Variants in SHANK2 observed in about 807,000 individuals in gnomAD.
SHANK2 encodes SH3 and multiple ankyrin repeat domains 2.
SHANK2 carries 43 observed loss-of-function variants against 133.7 expected under a neutral mutation model. The observed-to-expected ratio is 0.32, with a 90% CI of 0.25 to 0.41. SHANK2 has a LOEUF of 0.41. Ranked by LOEUF, SHANK2 falls within the 10% of genes least tolerant of loss-of-function variation. The pLI is 1.00. For synonymous variants in SHANK2, 1,017 were observed against 952.8 expected (o/e 1.07, Z -1.24); for missense variants, 1,994 against 2,235.8 (o/e 0.89, Z 2.18).
At chr11:70,772,724 C>T (rs1947278274) in intron 14 of SHANK2, among the ~76,000 whole-genome samples, 1 of 152,142 alleles carries the variant, frequency 6.6e-6, no homozygotes, top group African/African-American at 2.4e-5. Flanking sequence ...TGGAGTAGCC[C>T]TCATCTTCCA....
intron 8 of SHANK2, among the ~76,000 whole-genome samples, chr11:71,080,436 C>T (rs1328631683): frequency 3.9e-5 from 6 of 152,234 alleles, no homozygotes; most frequent in Non-Finnish European, 7.3e-5. Flanking sequence ...GATACATCTA[C>T]AGGACCTAAA....
At chr11:71,091,050 G>C (rs1270880877) in intron 8 of SHANK2, among the ~76,000 whole-genome samples, 1 of 151,948 alleles carries the variant, frequency 6.6e-6, no homozygotes, top group East Asian at 1.9e-4. Context: ...CAAATATCTA[G>C]GAGCTAGAGC....
At chr11:71,082,121 C>G (rs1951308959) in intron 8 of SHANK2, among the ~76,000 whole-genome samples, 1 of 152,226 alleles carries the variant, frequency 6.6e-6, no homozygotes, top group African/African-American at 2.4e-5. Context: ...GGTCACCTGC[C>G]AGCACCACAG....
intron 1 of SHANK2, among the ~76,000 whole-genome samples, chr11:71,248,753 A>AG (rs1311542027): frequency 7.9e-5 from 12 of 152,172 alleles, no homozygotes; most frequent in African/African-American, 2.9e-4. Flanking sequence ...GTTCAGTCCC[A>AG]GGAGGATGCA....
intron 17 of SHANK2, among the ~76,000 whole-genome samples, chr11:70,571,516 C>T (rs1370191199): frequency 6.6e-6 from 1 of 152,088 alleles, no homozygotes; most frequent in East Asian, 1.9e-4. Flanking sequence ...TAGATGCTAC[C>T]CCCACCATGT....
chr11:70,948,435 C>T, intron 10 of SHANK2: 2 of 455,274 alleles, frequency 4.4e-6, no homozygotes, highest in Non-Finnish European at 8.9e-6. Flanking sequence ...GATTACTTTT[C>T]ATCATAGATA....
intron 8 of SHANK2, among the ~76,000 whole-genome samples, chr11:71,077,474 A>G (rs1333169534): frequency 6.6e-6 from 1 of 152,144 alleles, no homozygotes; most frequent in Non-Finnish European, 1.5e-5. Context: ...TGTTCCCAAG[A>G]GCATGCTTCC....
chr11:71,212,361 C>T (rs1555119000), intron 2 of SHANK2, among the ~76,000 whole-genome samples: 1 of 152,184 alleles, frequency 6.6e-6, no homozygotes, highest in East Asian at 1.9e-4. Flanking sequence ...TTAAAATCTG[C>T]AATTTAAATA....
intron 11 of SHANK2, among the ~76,000 whole-genome samples, chr11:70,841,277 A>T (rs1405760465): frequency 6.6e-6 from 1 of 152,154 alleles, no homozygotes; most frequent in African/African-American, 2.4e-5. Flanking sequence ...TCTTAAAAAA[A>T]ATAGCAATTA....
chr11:70,882,956 T>C lies in SHANK2; in HGVS notation c.1174+13545A>G, dbSNP rs1288418355. 2.6e-5 allele frequency among the ~76,000 whole-genome samples: 4 copies of C among 151,686 alleles called. No homozygotes were observed. Among genetic ancestry groups the C allele is most frequent in the African/African-American group, 9.7e-5 (4 of 41,250 alleles). On this transcript the variant is annotated intron_variant, in intron 11 of 25. Transcript: ENST00000601538. The surrounding 1 kb of genome is among the most constrained non-coding windows in gnomAD (Gnocchi z 4.2). Reference sequence around the variant, plus strand: ...TGAGGGCGGGCTTGCCTGCGGCCTGTGGGAGGGGAGGGCAGGAGCCAGGGT... The same window carrying C: ...TGAGGGCGGGCTTGCCTGCGGCCTGCGGGAGGGGAGGGCAGGAGCCAGGGT...
intron 15 of SHANK2, among the ~76,000 whole-genome samples, chr11:70,684,688 C>A (rs935776485): frequency 6.6e-6 from 1 of 151,692 alleles, no homozygotes; most frequent in East Asian, 2.0e-4. Context: ...AGCAGGTAAA[C>A]CCTTGGCCCC....
chr11:70,637,412 C>T (rs956690921), intron 17 of SHANK2, among the ~76,000 whole-genome samples: 3 of 152,148 alleles, frequency 2.0e-5, no homozygotes, highest in Non-Finnish European at 4.4e-5. Flanking sequence ...CAGATGGGGG[C>T]AGGTGGGGCT....
intron 14 of SHANK2, among the ~76,000 whole-genome samples, chr11:70,726,618 T>C (rs1054070319): frequency 1.3e-5 from 2 of 152,150 alleles, no homozygotes; most frequent in African/African-American, 2.4e-5. Flanking sequence ...GTAAGCTCAT[T>C]TGGGAAGGCA....
intron 10 of SHANK2, among the ~76,000 whole-genome samples, chr11:70,896,780 G>T (rs146249194): frequency 1.3e-5 from 2 of 152,160 alleles, no homozygotes; most frequent in Non-Finnish European, 2.9e-5. Context: ...TAAGGTTGTC[G>T]TTGCTCTACA....
chr11:70,794,698 C>T (rs1364189096), intron 14 of SHANK2, among the ~76,000 whole-genome samples: 1 of 152,100 alleles, frequency 6.6e-6, no homozygotes, highest in Non-Finnish European at 1.5e-5. Flanking sequence ...GCTGGGATTA[C>T]AGGCATCACC....
At chr11:70,632,067 C>T (rs999937824) in intron 17 of SHANK2, 5 of 152,206 alleles carry the variant, frequency 3.3e-5, no homozygotes, top group African/African-American at 9.6e-5. Flanking sequence ...TTCATTTAGA[C>T]GCTAAACATT....
At chr11:70,623,269 T>C (rs1011412194) in intron 17 of SHANK2, among the ~76,000 whole-genome samples, 1 of 151,928 alleles carries the variant, frequency 6.6e-6, no homozygotes, top group African/African-American at 2.4e-5. Context: ...CCTCTGCCCC[T>C]CCAGGTCCCC....
chr11:70,697,677 G>A (rs1247980136), intron 15 of SHANK2, among the ~76,000 whole-genome samples: 1 of 152,186 alleles, frequency 6.6e-6, no homozygotes, highest in Non-Finnish European at 1.5e-5. Flanking sequence ...AACCCAGGTT[G>A]GATCCCTCCA....
chr11:70,511,933 C>T (rs2059209185), intron 17 of SHANK2, among the ~76,000 whole-genome samples: 1 of 152,244 alleles, frequency 6.6e-6, no homozygotes, highest in South Asian at 2.1e-4. Flanking sequence ...AAGAGTTCCA[C>T]AAGGATTGTC....
Sources: gnomAD v4.1 joint callset for allele counts (sites outside exome capture counted in the v4.1 genomes callset) on GRCh38, gnomAD v4.1.1 for gene constraint, Gnocchi (gnomAD v3.1) non-coding constraint, MANE v1.5 for transcripts, NCBI Gene and HGNC (gene_info 2026-07-23, HGNC 2026-07-21) for gene names.